The following RASGEF1C variants were observed in gnomAD, a reference collection of about 807,000 sequenced individuals.
The protein encoded by RASGEF1C is RasGEF domain family member 1C.
Under a neutral mutation model 58.1 loss-of-function variants are expected in RASGEF1C, and 27 were observed. The observed-to-expected ratio is 0.46, with a 90% CI of 0.34 to 0.64. The LOEUF is 0.64. Ranked by LOEUF, RASGEF1C falls within the 30% of genes least tolerant of loss-of-function variation. RASGEF1C has a pLI of 0.01. For missense variants in RASGEF1C, 502 were observed against 605.1 expected, an observed-to-expected ratio of 0.83 and a Z score of 1.79; for synonymous variants, 243 against 246.3, an observed-to-expected ratio of 0.99 and a Z score of 0.13.
chr5:180,120,971 G>T, intron 7 of RASGEF1C, 89 bp downstream of exon 7: 1 of 886,684 alleles, frequency 1.1e-6, no homozygotes, highest in Non-Finnish European at 1.9e-6. Context: ...GACTCAAGGT[G>T]TCCTTCCGGT....
rs781171780 is a variant in RASGEF1C, at chr5:180,101,454, C to T, written c.*47G>A. The T allele has an allele frequency of 1.8e-5, 29 of 1,604,214 alleles. No individual in the cohort carries two copies. Among genetic ancestry groups the T allele is most frequent in the Admixed American group, 1.3e-4 (8 of 59,902 alleles). The stretch of plus-strand genomic sequence containing the variant: ...TGGGCCACTGAGGCAGGGCTGTGGA[C>T]GGCTTCTGCGGGCTCCAGCTCTTCC... On this transcript the variant is annotated 3_prime_UTR_variant, in exon 14 of 14. Coordinates refer to ENST00000361132, the MANE Select transcript of RASGEF1C (RefSeq NM_175062.4).
chr5:180,175,054 G>T (rs1418326969), intron 1 of RASGEF1C, among the ~76,000 whole-genome samples: 3 of 152,134 alleles, frequency 2.0e-5, no homozygotes, highest in Non-Finnish European at 4.4e-5. Context: ...GTGGGGAAAG[G>T]CCCCAGCGGC....
rs144458061 is a variant in RASGEF1C, at chr5:180,192,232, G to A, written c.-7+16796C>T. 3.2e-3 allele frequency among the ~76,000 whole-genome samples: 491 copies of A among 152,224 alleles called. 7 individuals carry two copies. The highest frequency in any genetic ancestry group is 0.017 in the Middle Eastern group (5 of 294). On this transcript the variant is annotated intron_variant, in intron 1 of 13. Coordinates refer to ENST00000361132, the MANE Select transcript of RASGEF1C (RefSeq NM_175062.4). ...AAGATGGCTAACAACCTAACAGGGC[G>A]GGAATCTTGGGGCCACGTTGGAACC...
In RASGEF1C at chr5:180,101,260, C is replaced by T; in HGVS notation, c.*241G>A. 1 of 576,650 alleles carries T rather than the reference C, an allele frequency of 1.7e-6. No individual in the cohort carries two copies. Among genetic ancestry groups the T allele is most frequent in the Non-Finnish European group, 3.1e-6 (1 of 322,830 alleles). The allele number at this position is 576,650 out of a possible 1,614,324, so 35.7% of individuals were successfully genotyped here. A position where few individuals can be genotyped will look rare whatever the true frequency, so the allele number is the denominator to read the frequency against. Reference sequence around the variant, plus strand: ...CCACGGTCCTGAAGGCAGGATGTCCCCAAGGCATGTGCCGCCCGCACGTCT... The same window carrying T: ...CCACGGTCCTGAAGGCAGGATGTCCTCAAGGCATGTGCCGCCCGCACGTCT... On this transcript the variant is annotated 3_prime_UTR_variant, in exon 14 of 14. Transcript: ENST00000361132.
In RASGEF1C at chr5:180,137,664, G is replaced by C. The variant is rs767718466; in HGVS notation, c.226C>G (p.Pro76Ala). ...FLLSSRLFIE[P>A]RELLARVCHL... Reference sequence around the variant, plus strand: ...CAGACCCGGGCCAGGAGCTCCCGGGGCTCGATGAAGAGGCGAGAGCTCAGC... The same window carrying C: ...CAGACCCGGGCCAGGAGCTCCCGGGCCTCGATGAAGAGGCGAGAGCTCAGC... The change falls in exon 3 of 14, where the codon CCC (proline) becomes GCC (alanine). Residue 76 changes from proline to alanine, a missense_variant. Physicochemically the swap from Pro to Ala is conservative, Grantham distance 27. Coordinates refer to ENST00000361132, the MANE Select transcript of RASGEF1C (RefSeq NM_175062.4). This position sits in a 1 kb window ranked among gnomAD's most constrained non-coding sequence, Gnocchi z 4.1. 6.2e-7 allele frequency: 1 copy of C among 1,612,792 alleles called. No individual in the cohort carries two copies. Among genetic ancestry groups the C allele is most frequent in the Non-Finnish European group, 8.5e-7 (1 of 1,180,012 alleles).
intron 1 of RASGEF1C, among the ~76,000 whole-genome samples, chr5:180,166,025 A>C (rs1161604668): frequency 6.6e-6 from 1 of 152,094 alleles, no homozygotes; most frequent in Non-Finnish European, 1.5e-5. Flanking sequence ...CTGGGATTAC[A>C]GGCGTGAGCC....
chr5:180,150,242 T>C (rs1766725246), intron 1 of RASGEF1C, among the ~76,000 whole-genome samples: 1 of 152,250 alleles, frequency 6.6e-6, no homozygotes, highest in Non-Finnish European at 1.5e-5. Context: ...TGTATGTTTT[T>C]CTGTCTCTTT....
Position 180,137,806 on chromosome 5 carries a change from C to G in RASGEF1C, c.177+70G>C. ...CCCTGTACCCTGGCCCAAGGTCACG[C>G]CCAACCCTGATGCCCCCCGTGCGTG... On this transcript the variant is annotated intron_variant, in intron 2 of 13. Transcript: ENST00000361132. This position sits in a 1 kb window ranked among gnomAD's most constrained non-coding sequence, Gnocchi z 4.1. 6.2e-7 allele frequency: 1 copy of G among 1,602,686 alleles called. No individual in the cohort carries two copies. The highest frequency in any genetic ancestry group is 8.5e-7 in the Non-Finnish European group (1 of 1,175,048).
intron 1 of RASGEF1C, among the ~76,000 whole-genome samples, chr5:180,173,767 G>C (rs1027758128): frequency 1.3e-5 from 2 of 152,034 alleles, no homozygotes; most frequent in Non-Finnish European, 2.9e-5. Flanking sequence ...ACAGAAATTA[G>C]CTGGGCGTGG....
intron 7 of RASGEF1C, among the ~76,000 whole-genome samples, chr5:180,119,937 G>GTT (rs1766139427): frequency 6.6e-6 from 1 of 152,078 alleles, no homozygotes; most frequent in Admixed American, 6.5e-5. Context: ...CGGGACTTCA[G>GTT]ACCCCTGTGA....
At chr5:180,195,604 CA>C (rs1188831579) in intron 1 of RASGEF1C, among the ~76,000 whole-genome samples, 9 of 150,980 alleles carry the variant, frequency 6.0e-5, no homozygotes, top group Admixed American at 2.0e-4. Flanking sequence ...ACTAAAAATA[CA>C]AAAAAAATTA....
chr5:180,103,402 C>T (rs770125065), intron 12 of RASGEF1C, among the ~76,000 whole-genome samples: 1 of 152,184 alleles, frequency 6.6e-6, no homozygotes, highest in Non-Finnish European at 1.5e-5. Flanking sequence ...TTAGCGTACA[C>T]GTCCTGTGCG....
Position 180,177,116 on chromosome 5 carries a change from G to C in RASGEF1C, c.-7+31912C>G, listed in dbSNP as rs1381317896. Among the ~76,000 whole-genome samples, 1 of 152,208 alleles carries C rather than the reference G, an allele frequency of 6.6e-6. No individual in the cohort carries two copies. Among genetic ancestry groups the C allele is most frequent in the Non-Finnish European group, 1.5e-5 (1 of 68,040 alleles). On this transcript the variant is annotated intron_variant, in intron 1 of 13. Transcript: ENST00000361132. This position sits in a 1 kb window ranked among gnomAD's most constrained non-coding sequence, Gnocchi z 5.0. Reference sequence around the variant, plus strand: ...AGCATGGAGGAGGACCAGGGTGAGAGGTGAGACTCTCAGAGCCTGACGGAG... The same window carrying C: ...AGCATGGAGGAGGACCAGGGTGAGACGTGAGACTCTCAGAGCCTGACGGAG...
chr5:180,144,129 A>G (rs1438360358), intron 1 of RASGEF1C, among the ~76,000 whole-genome samples: 1 of 152,208 alleles, frequency 6.6e-6, no homozygotes, highest in East Asian at 1.9e-4. Flanking sequence ...GGAGCTCGCC[A>G]CCTGCTAGGG....
chr5:180,188,827 C>T (rs975099941), intron 1 of RASGEF1C, among the ~76,000 whole-genome samples: 24 of 152,176 alleles, frequency 1.6e-4, no homozygotes, highest in Admixed American at 1.4e-3. Context: ...TGTCTTCCTC[C>T]TTCCCTCCCC....
chr5:180,127,741 C>A, intron 5 of RASGEF1C, 58 bp from the exon 6 acceptor site: 1 of 1,522,514 alleles, frequency 6.6e-7, no homozygotes, highest in South Asian at 1.2e-5. Flanking sequence ...GGGGTGTCCA[C>A]TGGGGGGCCT....
intron 6 of RASGEF1C, 101 bp downstream of exon 6, chr5:180,127,508 G>A: frequency 8.3e-7 from 1 of 1,205,372 alleles, no homozygotes; most frequent in Non-Finnish European, 1.1e-6. Context: ...CCCACTCTGG[G>A]CCACTCCAGC....
chr5:180,160,057 G>A (rs542286376), intron 1 of RASGEF1C, among the ~76,000 whole-genome samples: 3 of 152,304 alleles, frequency 2.0e-5, no homozygotes, highest in East Asian at 1.9e-4. Context: ...CCTGCCTCCA[G>A]GGCTCATGGC....
At position 180,113,715 on chromosome 5, in the gene RASGEF1C, T is replaced by C. The variant is rs1481641217; in HGVS notation, c.1179+731A>G. Reference sequence around the variant, plus strand: ...GATGGACGGAGGGATCGGGGATGGATGGAGGGATCCGGGCTGGACGGAGGG... The same window carrying C: ...GATGGACGGAGGGATCGGGGATGGACGGAGGGATCCGGGCTGGACGGAGGG... On this transcript the variant is annotated intron_variant, in intron 11 of 13. Coordinates refer to ENST00000361132, the MANE Select transcript of RASGEF1C (RefSeq NM_175062.4). Among the ~76,000 whole-genome samples the C allele has an allele frequency of 1.8e-3, 123 of 68,382 alleles. 1 individual carries two copies. Among genetic ancestry groups the C allele is most frequent in the East Asian group, 5.4e-3 (11 of 2,042 alleles). The allele number at this position is 68,382 out of a possible 152,430, so 44.9% of individuals were successfully genotyped here. A position where few individuals can be genotyped will look rare whatever the true frequency, so the allele number is the denominator to read the frequency against.
Sources: allele counts gnomAD v4.1 joint callset (sites outside exome capture counted in the v4.1 genomes callset), GRCh38; gene constraint gnomAD v4.1.1; non-coding constraint Gnocchi (gnomAD v3.1); transcripts MANE v1.5; gene names NCBI Gene and HGNC (gene_info 2026-07-23, HGNC 2026-07-21).